Variants in ADCY8 observed in about 807,000 individuals in gnomAD.
The protein encoded by ADCY8 is adenylate cyclase 8.
ADCY8 carries 51 observed loss-of-function variants against 119.7 expected under a neutral mutation model. That is an observed-to-expected ratio of 0.43 (90% CI 0.34 to 0.54). ADCY8 has a LOEUF of 0.54. Ranked by LOEUF, ADCY8 falls within the 20% of genes least tolerant of loss-of-function variation. The probability of loss-of-function intolerance (pLI) is 0.03; values close to 1 mark genes in which losing one functional copy is unlikely to be tolerated. For missense variants in ADCY8, 1,383 were observed against 1,598.8 expected (o/e 0.87, Z 2.30); for synonymous variants, 665 against 651.0 (o/e 1.02, Z -0.33).
At chr8:131,027,637 G>C (rs144911777) in intron 1 of ADCY8, among the ~76,000 whole-genome samples, 1 of 152,304 alleles carries the variant, frequency 6.6e-6, no homozygotes, top group East Asian at 1.9e-4. Flanking sequence ...ATTGTTACTT[G>C]TTGGGGTTGG....
intron 9 of ADCY8, among the ~76,000 whole-genome samples, chr8:130,860,547 C>A (rs1240144946): frequency 6.6e-6 from 1 of 151,966 alleles, no homozygotes; most frequent in Non-Finnish European, 1.5e-5. Flanking sequence ...GTATATAAAC[C>A]ATTTTGTGTT....
chr8:131,017,877 G>A (rs991347613), intron 1 of ADCY8, among the ~76,000 whole-genome samples: 50 of 151,646 alleles, frequency 3.3e-4, no homozygotes, highest in African/African-American at 1.2e-3. Flanking sequence ...AGCCTGCTCA[G>A]CTCTTGGAAG....
chr8:130,783,303 A>G (rs1315188694), intron 17 of ADCY8, among the ~76,000 whole-genome samples: 1 of 152,200 alleles, frequency 6.6e-6, no homozygotes, highest in Admixed American at 6.5e-5. Context: ...ATTATCCTGA[A>G]GACCTTGAGA....
At chr8:130,930,159 T>A (rs1228440327) in intron 5 of ADCY8, among the ~76,000 whole-genome samples, 1 of 152,202 alleles carries the variant, frequency 6.6e-6, no homozygotes, top group Non-Finnish European at 1.5e-5. Context: ...GTTTTCTAGT[T>A]GTTTTGTAGA....
intron 2 of ADCY8, among the ~76,000 whole-genome samples, chr8:130,964,282 C>T (rs1234810838): frequency 1.3e-5 from 2 of 152,178 alleles, no homozygotes; most frequent in Non-Finnish European, 2.9e-5. Flanking sequence ...GTCAGTGGAT[C>T]AGGCCACTGC....
At chr8:130,834,485 T>G (rs1205113462) in intron 12 of ADCY8, among the ~76,000 whole-genome samples, 1 of 152,164 alleles carries the variant, frequency 6.6e-6, no homozygotes, top group Non-Finnish European at 1.5e-5. Flanking sequence ...TTTGGCAATA[T>G]TTTAAAAAGT....
At chr8:130,821,299 A>G (rs1008502850) in intron 13 of ADCY8, 43 bp downstream of exon 13, 1 of 1,545,522 alleles carries the variant, frequency 6.5e-7, no homozygotes, top group Admixed American at 1.7e-5. Flanking sequence ...TGGTAACAAG[A>G]AATGTCAGGT....
intron 7 of ADCY8, among the ~76,000 whole-genome samples, chr8:130,885,264 A>G (rs1361774148): frequency 6.6e-6 from 1 of 151,926 alleles, no homozygotes; most frequent in African/African-American, 2.4e-5. Context: ...AGACAGCCAA[A>G]TATGCCAGGA....
At chr8:130,796,648 C>G (rs935496327) in intron 15 of ADCY8, among the ~76,000 whole-genome samples, 33 of 152,104 alleles carry the variant, frequency 2.2e-4, no homozygotes, top group Middle Eastern at 3.2e-3. Context: ...GACCCAAGGA[C>G]CCACACACAG....
rs182204056 is a variant in ADCY8, at chr8:130,839,934, G to A, written c.2503-3485C>T. ...TAAATTGCGGTAGGGTAGAATATAC[G>A]ATGTATCAGGATTAATTGAGAAAAG... On this transcript the variant is annotated intron_variant, in intron 11 of 17. Coordinates refer to ENST00000286355, the MANE Select transcript of ADCY8 (RefSeq NM_001115.3). 1.3e-3 allele frequency among the ~76,000 whole-genome samples: 189 copies of A among 140,016 alleles called. 7 individuals carry two copies. Among genetic ancestry groups the A allele is most frequent in the African/African-American group, 4.2e-3 (173 of 40,964 alleles). The allele number at this position is 140,016 out of a possible 152,430, so 91.9% of individuals were successfully genotyped here. A position where few individuals can be genotyped will look rare whatever the true frequency, so the allele number is the denominator to read the frequency against.
chr8:130,880,618 G>A (rs950822675), intron 8 of ADCY8, among the ~76,000 whole-genome samples: 18 of 152,262 alleles, frequency 1.2e-4, no homozygotes, highest in Admixed American at 1.3e-4. Context: ...ACTGCAATAG[G>A]TCTCCTCTCC....
intron 1 of ADCY8, among the ~76,000 whole-genome samples, chr8:131,038,993 A>G (rs937409568): frequency 2.0e-5 from 3 of 152,152 alleles, no homozygotes; most frequent in African/African-American, 7.2e-5. Flanking sequence ...GACTCTCCTG[A>G]GGAGAGATGT....
intron 1 of ADCY8, among the ~76,000 whole-genome samples, chr8:131,033,770 G>GCA (rs148651546): frequency 6.6e-4 from 98 of 149,066 alleles, no homozygotes; most frequent in African/African-American, 2.2e-3. Context: ...ATACACAAAA[G>GCA]CACACACACA....
In ADCY8 at chr8:130,909,880, T is replaced by A; in HGVS notation, c.1482-14A>T. The A allele has an allele frequency of 6.2e-7, 1 of 1,613,412 alleles. No individual in the cohort carries two copies. Among genetic ancestry groups the A allele is most frequent in the South Asian group, 1.1e-5 (1 of 90,998 alleles). On this transcript the variant is annotated splice_polypyrimidine_tract_variant and intron_variant, in intron 5 of 17. Transcript: ENST00000286355. Reference sequence around the variant, plus strand: ...GACCGCACATACCTGTTGACATAGGTAAATGGAGAGACACATGTATAAGAC... The same window carrying A: ...GACCGCACATACCTGTTGACATAGGAAAATGGAGAGACACATGTATAAGAC...
chr8:130,862,767 G>T (rs1817983206), intron 9 of ADCY8, among the ~76,000 whole-genome samples: 1 of 152,176 alleles, frequency 6.6e-6, no homozygotes, highest in Non-Finnish European at 1.5e-5. Flanking sequence ...ATTGAAGAGT[G>T]TGTTATTTAA....
chr8:131,021,975 T>C (rs903670038), intron 1 of ADCY8, among the ~76,000 whole-genome samples: 2 of 152,188 alleles, frequency 1.3e-5, no homozygotes, highest in African/African-American at 4.8e-5. Context: ...GCAACTAAGT[T>C]TGGATTACTT....
rs1200776679 is a variant in ADCY8 at position 130,785,402 on chromosome 8, C to G, written c.3134G>C (p.Gly1045Ala). 1 of 1,607,798 alleles carries G rather than the reference C, an allele frequency of 6.2e-7. No homozygotes were observed. The highest frequency in any genetic ancestry group is 1.7e-5 in the Admixed American group (1 of 59,300). ...CTTTACCTGTTTTTCAGGTGACAGG[C>G]CTGACACGGCCATGTAGGTGCTGCC... Reference protein sequence around the residue: ...TIGSTYMAVSGLSPEKQQCED... With the variant: ...TIGSTYMAVSALSPEKQQCED... The change falls in exon 16 of 18, where the codon GGC becomes GCC. Residue 1045 changes from glycine (G) to alanine (A), a missense_variant. Physicochemically the swap from Gly to Ala is moderately conservative, Grantham distance 60. Coordinates refer to ENST00000286355, the MANE Select transcript of ADCY8 (RefSeq NM_001115.3).
At chr8:130,878,193 T>C (rs1427119363) in intron 8 of ADCY8, among the ~76,000 whole-genome samples, 7 of 152,220 alleles carry the variant, frequency 4.6e-5, no homozygotes, top group South Asian at 2.1e-4. Context: ...ATCCAGTCTA[T>C]GTTCTTTCCT....
chr8:131,036,176 T>C (rs1824146560), intron 1 of ADCY8, among the ~76,000 whole-genome samples: 1 of 152,216 alleles, frequency 6.6e-6, no homozygotes, highest in Non-Finnish European at 1.5e-5. Context: ...GTAAAGTTTC[T>C]AGGATTCTGT....
Sources: gnomAD v4.1 joint callset for allele counts (sites outside exome capture counted in the v4.1 genomes callset) on GRCh38, gnomAD v4.1.1 for gene constraint, MANE v1.5 for transcripts, NCBI Gene and HGNC (gene_info 2026-07-23, HGNC 2026-07-21) for gene names.